LYST: variants seen among roughly 807,000 people sequenced by gnomAD.
LYST encodes lysosomal-trafficking regulator.
Under a neutral mutation model 413.6 loss-of-function variants are expected in LYST, and 192 were observed. That is an observed-to-expected ratio of 0.46 (90% confidence interval 0.41 to 0.52). The LOEUF is 0.52. Among genes scored for constraint, LYST ranks in the 20% least tolerant of loss-of-function variants. LYST has a pLI of 0.00. For missense variants in LYST, 3,815 were observed against 4,499.9 expected (o/e 0.85, Z 4.35); for synonymous variants, 1,525 against 1,567.3 (o/e 0.97, Z 0.64).
chr1:235,862,560 C>T (rs1223923464), intron 1 of LYST, among the ~76,000 whole-genome samples: 1 of 152,072 alleles, frequency 6.6e-6, no homozygotes, highest in African/African-American at 2.4e-5. Flanking sequence ...CTTTGGGAGG[C>T]CAAGATGGGC....
In LYST at chr1:235,718,194, G is replaced by GTT. The variant is rs34692090; in HGVS notation, c.9561-1418_9561-1417dup. Among the ~76,000 whole-genome samples the GTT allele has an allele frequency of 8.3e-3, 1,210 of 146,562 alleles. 12 individuals are homozygous for GTT. Among genetic ancestry groups the GTT allele is most frequent in the African/African-American group, 0.027 (1,082 of 40,064 alleles). On this transcript the variant is annotated intron_variant, in intron 40 of 52. Coordinates refer to ENST00000389793, the MANE Select transcript of LYST (RefSeq NM_000081.4). ...TTTTTTATAGATAGTATAAATAGGG[G>GTT]TTTTTTTTTTTGGACACAAGCTATG...
chr1:235,776,934 AT>A (rs368771903), intron 17 of LYST, 128 bp downstream of exon 17: 8 of 739,802 alleles, frequency 1.1e-5, no homozygotes, highest in East Asian at 5.4e-5. Flanking sequence ...TTAATATGTA[AT>A]TTTTTTATGT....
At chr1:235,682,651 A>G (rs1330184148) in intron 48 of LYST, among the ~76,000 whole-genome samples, 1 of 152,248 alleles carries the variant, frequency 6.6e-6, no homozygotes, top group East Asian at 1.9e-4. Context: ...GGATGAAAGA[A>G]TATAGAGAAA....
intron 36 of LYST, among the ~76,000 whole-genome samples, chr1:235,730,524 T>C (rs1316319539): frequency 6.6e-6 from 1 of 151,626 alleles, no homozygotes; most frequent in Non-Finnish European, 1.5e-5. Flanking sequence ...TATATGGGTA[T>C]ATATATATGT....
intron 34 of LYST, among the ~76,000 whole-genome samples, chr1:235,731,521 T>C (rs951007211): frequency 3.9e-5 from 6 of 152,078 alleles, no homozygotes; most frequent in Admixed American, 6.6e-5. Context: ...GGTAAATTTT[T>C]TTTCCAAATT....
chr1:235,871,661 G>T (rs1680930986), upstream of LYST, among the ~76,000 whole-genome samples: 1 of 152,220 alleles, frequency 6.6e-6, no homozygotes, highest in Non-Finnish European at 1.5e-5. Flanking sequence ...CAAGCACTAT[G>T]TTTAAGGTAG....
chr1:235,759,727 A>C, intron 22 of LYST, 128 bp from the exon 23 acceptor site: 1 of 701,456 alleles, frequency 1.4e-6, no homozygotes, highest in Non-Finnish European at 2.5e-6. Context: ...ATATAGGTTA[A>C]TTTTACAAGT....
At chr1:235,672,604 C>A (rs1217736034) in intron 50 of LYST, among the ~76,000 whole-genome samples, 1 of 152,094 alleles carries the variant, frequency 6.6e-6, no homozygotes, top group African/African-American at 2.4e-5. Flanking sequence ...CTTTTCAAAT[C>A]ATGATATTTT....
intron 1 of LYST, among the ~76,000 whole-genome samples, chr1:235,849,411 T>C (rs1678264106): frequency 6.6e-6 from 1 of 152,008 alleles, no homozygotes; most frequent in Non-Finnish European, 1.5e-5. Context: ...GCCAACATAA[T>C]ACTGAATGGG....
At chr1:235,782,828 A>G (rs1448443698) in intron 14 of LYST, among the ~76,000 whole-genome samples, 13 of 152,238 alleles carry the variant, frequency 8.5e-5, no homozygotes, top group Non-Finnish European at 1.5e-5. Context: ...ACTAATCAGT[A>G]AAAACATAAC....
chr1:235,794,752 A>G (rs1227904781), intron 10 of LYST, among the ~76,000 whole-genome samples: 1 of 152,224 alleles, frequency 6.6e-6, no homozygotes, highest in Non-Finnish European at 1.5e-5. Flanking sequence ...CAATGAGACT[A>G]TAAAATAGCA....
intron 34 of LYST, among the ~76,000 whole-genome samples, 184 bp downstream of exon 34, chr1:235,733,316 TTCC>T (rs1230498706): frequency 9.2e-5 from 14 of 152,132 alleles, no homozygotes; most frequent in African/African-American, 3.4e-4. Context: ...ATTACTTTTC[TTCC>T]TCAAGAATTA....
At chr1:235,675,306 A>G (rs1412126640) in intron 50 of LYST, among the ~76,000 whole-genome samples, 1 of 152,022 alleles carries the variant, frequency 6.6e-6, no homozygotes, top group African/African-American at 2.4e-5. Context: ...CCTCTCGCAA[A>G]CTGCATGTTT....
intron 39 of LYST, among the ~76,000 whole-genome samples, chr1:235,722,316 G>T (rs187267333): frequency 1.2e-3 from 176 of 152,308 alleles, no homozygotes; most frequent in African/African-American, 4.1e-3. Context: ...GCAGAGAAAA[G>T]ATATGATCCA....
chr1:235,820,108 C>T (rs1273496538), intron 3 of LYST, among the ~76,000 whole-genome samples: 1 of 152,224 alleles, frequency 6.6e-6, no homozygotes, highest in Non-Finnish European at 1.5e-5. Context: ...GGCACTGGCC[C>T]TTTTCATAAC....
Position 235,858,705 on chromosome 1 carries a change from T to C in LYST, c.-98+8138A>G, listed in dbSNP as rs187988975. ...CAGCCTCATTACCACTCTCTATTCC[T>C]TGACTTCCCACTACCCCCTACTCAA... On this transcript the variant is annotated intron_variant, in intron 1 of 52. Transcript: ENST00000389793. Among the ~76,000 whole-genome samples the C allele has an allele frequency of 2.7e-3, 415 of 152,294 alleles. 2 individuals are homozygous for C. The highest frequency in any genetic ancestry group is 4.2e-3 in the Non-Finnish European group (288 of 68,022).
Position 235,808,650 on chromosome 1 carries a change from T to C in LYST, c.2168A>G (p.Asn723Ser), listed in dbSNP as rs1452044579. The C allele has an allele frequency of 3.3e-5, 54 of 1,613,256 alleles. No individual in the cohort carries two copies. The highest frequency in any genetic ancestry group is 1.6e-4 in the East Asian group (7 of 44,860). Reference sequence around the variant, plus strand: ...ATATAATTTCCACTGAACAACTATATTGCCTTTCTGGATTAAATTGCAAAT... The same window carrying C: ...ATATAATTTCCACTGAACAACTATACTGCCTTTCTGGATTAAATTGCAAAT... ...NHICNLIQKG[N>S]IVVQWKLYNY... The change falls in exon 5 of 53, where the codon AAT becomes AGT. Residue 723 changes from asparagine (N) to serine (S), a missense_variant. Asn to Ser is a conservative substitution (Grantham distance 46, BLOSUM62 1). This residue lies in a region of LYST where 1,648 missense variants were observed against 1,810.3 expected (regional missense o/e 0.91). Transcript: ENST00000389793.
At chr1:235,717,413 ACAC>A (rs2103145008) in intron 40 of LYST, among the ~76,000 whole-genome samples, 1 of 152,340 alleles carries the variant, frequency 6.6e-6, no homozygotes, top group Non-Finnish European at 1.5e-5. Flanking sequence ...CATTCTGTGA[ACAC>A]CACATGACAC....
rs192026719 is a variant in LYST, at chr1:235,693,767, G to C, written c.10565-281C>G. On this transcript the variant is annotated intron_variant, in intron 46 of 52. Transcript: ENST00000389793. The stretch of plus-strand genomic sequence containing the variant: ...TGTTAAGAAATTATTATAAAAGACA[G>C]TAATAGTGAAGCTTACTCTATTCAT... Among the ~76,000 whole-genome samples, 570 of 152,262 alleles carry C rather than the reference G, an allele frequency of 3.7e-3. 3 individuals are homozygous for C. The highest frequency in any genetic ancestry group is 0.013 in the African/African-American group (539 of 41,556).
Sources: gnomAD v4.1 joint callset for allele counts (sites outside exome capture counted in the v4.1 genomes callset) on GRCh38, gnomAD v4.1.1 for gene constraint, gnomAD v4.1.1 regional missense constraint, MANE v1.5 for transcripts, NCBI Gene and HGNC (gene_info 2026-07-23, HGNC 2026-07-21) for gene names.